Variants in CPSF7 observed in about 807,000 individuals in gnomAD.
CPSF7 encodes cleavage and polyadenylation specificity factor subunit 7.
A neutral mutation model predicts 44.3 loss-of-function variants in CPSF7; 1 was observed. The ratio of observed to expected loss-of-function variants is 0.02; its 90% CI spans 0.01 to 0.11. CPSF7 has a LOEUF of 0.11. Ranked by LOEUF, CPSF7 falls within the 10% of genes least tolerant of loss-of-function variation. The pLI is 1.00. For synonymous variants in CPSF7, 202 were observed against 222.0 expected (o/e 0.91, Z 0.80); for missense variants, 443 against 607.2 (o/e 0.73, Z 2.84).
At position 61,429,303 on chromosome 11, in the gene CPSF7, G is replaced by A. The variant is rs1861703385; in HGVS notation, c.-55-13C>T. 4 of 1,537,886 alleles carry A rather than the reference G, an allele frequency of 2.6e-6. No individual in the cohort carries two copies. Among genetic ancestry groups the A allele is most frequent in the African/African-American group, 2.7e-5 (2 of 73,528 alleles). ...AAGGAAGATGCCACTGCGGGATTCG[G>A]AAAAATGCAAGAATTAGAAGGCACG... On this transcript the variant is annotated splice_polypyrimidine_tract_variant and intron_variant, in intron 1 of 9. Coordinates refer to ENST00000439958, the MANE Select transcript of CPSF7 (RefSeq NM_001142565.3).
chr11:61,419,988 G>A lies in CPSF7; in HGVS notation c.484C>T (p.Arg162Trp), dbSNP rs1860720109. Residue 162 changes from arginine to tryptophan, a missense_variant, in exon 5 of 10, where the codon CGG (arginine) becomes TGG (tryptophan). Physicochemically the swap from Arg to Trp is moderately radical, Grantham distance 101. Coordinates refer to ENST00000439958, the MANE Select transcript of CPSF7 (RefSeq NM_001142565.3). ...GEKVDVRPAT[R>W]QNLSQFEAQA... ...GCCTCAAACTGTGACAGGTTCTGCC[G>A]GGTGGCCGGCCTCACGTCCACTTTT... is the stretch of plus-strand genomic sequence containing the variant. 4.3e-6 allele frequency: 7 copies of A among 1,614,038 alleles called. No homozygotes were observed. Among genetic ancestry groups the A allele is most frequent in the African/African-American group, 1.3e-5 (1 of 74,984 alleles).
At chr11:61,416,665 T>C (rs1307246347) in intron 5 of CPSF7, 146 bp from the exon 6 acceptor site, 3 of 792,758 alleles carry the variant, frequency 3.8e-6, no homozygotes, top group Non-Finnish European at 6.0e-6. Flanking sequence ...GCCTTTTTTT[T>C]GGCTTCAGAG....
At chr11:61,421,651 T>A (rs1390549818) in intron 2 of CPSF7, 43 bp from the exon 3 acceptor site, 3 of 1,362,858 alleles carry the variant, frequency 2.2e-6, no homozygotes, top group African/African-American at 2.9e-5. Flanking sequence ...GCAAACTTCA[T>A]TTTGTTCATT....
intron 2 of CPSF7, among the ~76,000 whole-genome samples, chr11:61,421,917 G>C (rs1860919533): frequency 1.3e-5 from 2 of 152,164 alleles, no homozygotes; most frequent in African/African-American, 4.8e-5. Context: ...GAGATGCATG[G>C]GCTGCTGTTA....
rs536756887 is a variant in CPSF7 at position 61,418,653 on chromosome 11, TAAAG to T, written c.523+1292_523+1295del. On this transcript the variant is annotated intron_variant, in intron 5 of 9. Transcript: ENST00000439958. Reference sequence around the variant, plus strand: ...AGTGGCTTAGTGAGTACAGTCAGAATAAAGAGAGTAAGATGGACATTGGGGAAAC... The same window carrying T: ...AGTGGCTTAGTGAGTACAGTCAGAATAGAGTAAGATGGACATTGGGGAAAC... Among the ~76,000 whole-genome samples the T allele has an allele frequency of 2.3e-3, 346 of 152,182 alleles. 1 individual carries two copies. The highest frequency in any genetic ancestry group is 7.9e-3 in the African/African-American group (327 of 41,524).
chr11:61,414,132 T>C (rs1166556178), intron 7 of CPSF7, among the ~76,000 whole-genome samples: 1 of 146,710 alleles, frequency 6.8e-6, no homozygotes, highest in Non-Finnish European at 1.5e-5. Flanking sequence ...TATTACTTTT[T>C]AATTTAAAAA....
chr11:61,412,057 A>T (rs1215125607), intron 7 of CPSF7, 120 bp from the exon 8 acceptor site: 1 of 768,784 alleles, frequency 1.3e-6, no homozygotes, highest in Non-Finnish European at 2.1e-6. Context: ...CAACCGCGGT[A>T]AAAGAGACAA....
Position 61,411,797 on chromosome 11 carries a change from T to C in CPSF7, c.1198A>G (p.Ser400Gly). 6.2e-7 allele frequency: 1 copy of C among 1,613,582 alleles called. No homozygotes were observed. The highest frequency in any genetic ancestry group is 1.1e-5 in the South Asian group (1 of 91,062). Reference protein sequence around the residue: ...CLHGIEAKSYSVGASGSSSRK... With the variant: ...CLHGIEAKSYGVGASGSSSRK... ...GAAGAGCTCCCACTGGCACCCACAC[T>C]GTAGGACTTGGCTTCGATGCCATGA... Residue 400 changes from serine to glycine, a missense_variant, in exon 8 of 10, where the codon AGT becomes GGT. By Grantham distance (56) the Ser-to-Gly change is moderately conservative. Coordinates refer to ENST00000439958, the MANE Select transcript of CPSF7 (RefSeq NM_001142565.3).
intron 3 of CPSF7, chr11:61,420,959 A>C: frequency 1.4e-6 from 1 of 717,634 alleles, no homozygotes; most frequent in South Asian, 1.4e-5. Flanking sequence ...CCCCACCACC[A>C]GCCCCAAAAC....
At chr11:61,412,030 T>C in intron 7 of CPSF7, 93 bp from the exon 8 acceptor site, 4 of 1,126,642 alleles carry the variant, frequency 3.6e-6, no homozygotes, top group Non-Finnish European at 5.2e-6. Context: ...AAACCAAGAG[T>C]AGCTAGCCGT....
At chr11:61,415,821 C>A in intron 6 of CPSF7, 37 bp from the exon 7 acceptor site, 3 of 1,396,292 alleles carry the variant, frequency 2.1e-6, no homozygotes, top group Non-Finnish European at 2.0e-6. Flanking sequence ...TTGCTCACAT[C>A]CCTTATTATT....
chr11:61,419,890 AC>A (rs761885966), intron 5 of CPSF7, 58 bp downstream of exon 5: 566 of 1,523,168 alleles, frequency 3.7e-4, no homozygotes, highest in Middle Eastern at 6.3e-4. Context: ...ACCCACAAAC[AC>A]CCCCCCCTCA....
intron 1 of CPSF7, chr11:61,429,629 ACCTGCCTAGCCCCCAAGGCGGCT>A: frequency 9.4e-7 from 1 of 1,058,440 alleles, no homozygotes; most frequent in Non-Finnish European, 1.4e-6. Flanking sequence ...TATCCGCTGC[ACCTGCCTAGCCCCCAAGGCGGCT>A]CCGGCCAGAG....
chr11:61,416,726 A>G (rs1281364858), intron 5 of CPSF7, among the ~76,000 whole-genome samples: 4 of 152,214 alleles, frequency 2.6e-5, no homozygotes, highest in Non-Finnish European at 5.9e-5. Flanking sequence ...ATATCGTCCT[A>G]AATCCTGTCA....
intron 2 of CPSF7, among the ~76,000 whole-genome samples, chr11:61,425,163 C>G (rs1296288596): frequency 1.3e-5 from 2 of 152,180 alleles, no homozygotes; most frequent in Non-Finnish European, 2.9e-5. Flanking sequence ...TTCAAAGAAG[C>G]TGGTGGGAAC....
chr11:61,426,963 G>C, intron 2 of CPSF7: 1 of 148,094 alleles, frequency 6.8e-6, no homozygotes, highest in Non-Finnish European at 1.5e-5. Context: ...GGGAAAAGGA[G>C]GTTGCAGCGA....
At chr11:61,418,022 A>C (rs1306316837) in intron 5 of CPSF7, among the ~76,000 whole-genome samples, 2 of 152,230 alleles carry the variant, frequency 1.3e-5, no homozygotes, top group Non-Finnish European at 2.9e-5. Flanking sequence ...ATACCTAAGG[A>C]AAGTCAGGGG....
At chr11:61,412,324 T>G (rs1457541921) in intron 7 of CPSF7, among the ~76,000 whole-genome samples, 1 of 151,910 alleles carries the variant, frequency 6.6e-6, no homozygotes, top group Non-Finnish European at 1.5e-5. Flanking sequence ...AGTCTCACTC[T>G]GTTGCCCAGG....
intron 9 of CPSF7, chr11:61,406,203 A>C (rs148818974): frequency 5.9e-5 from 9 of 152,340 alleles, no homozygotes; most frequent in Non-Finnish European, 1.2e-4. Flanking sequence ...ATGCAGGCAG[A>C]AATCAGAGAT....
Sources: allele counts gnomAD v4.1 joint callset (sites outside exome capture counted in the v4.1 genomes callset), GRCh38; gene constraint gnomAD v4.1.1; transcripts MANE v1.5; gene names NCBI Gene and HGNC (gene_info 2026-07-23, HGNC 2026-07-21).